The following HCN1 variants were observed in gnomAD, a reference collection of about 807,000 sequenced individuals.
The protein encoded by HCN1 is hyperpolarization activated cyclic nucleotide gated potassium channel 1.
Under a neutral mutation model 78.9 loss-of-function variants are expected in HCN1, and 13 were observed. The observed-to-expected ratio is 0.16, with a 90% CI of 0.11 to 0.26. The LOEUF is 0.26. HCN1 is among the 10% of genes least tolerant of loss of function. The probability of loss-of-function intolerance (pLI) is 1.00; values close to 1 mark genes in which losing one functional copy is unlikely to be tolerated. For missense variants in HCN1, 810 were observed against 1,154.3 expected, an observed-to-expected ratio of 0.70 and a Z score of 4.32; for synonymous variants, 552 against 455.5, an observed-to-expected ratio of 1.21 and a Z score of -2.70.
chr5:45,560,195 A>G (rs1743566265), intron 2 of HCN1, among the ~76,000 whole-genome samples: 1 of 152,272 alleles, frequency 6.6e-6, no homozygotes, highest in Admixed American at 6.6e-5. Flanking sequence ...GCTTTATTGC[A>G]GTGGTCTGGA....
chr5:45,587,715 A>G (rs1444797234), intron 2 of HCN1, among the ~76,000 whole-genome samples: 1 of 152,156 alleles, frequency 6.6e-6, no homozygotes, highest in African/African-American at 2.4e-5. Context: ...AGAAAGAAAT[A>G]TTAACACCAT....
intron 2 of HCN1, among the ~76,000 whole-genome samples, chr5:45,499,246 T>C (rs1382958784): frequency 6.6e-6 from 1 of 152,196 alleles, no homozygotes; most frequent in Non-Finnish European, 1.5e-5. Flanking sequence ...TCCATGCGCA[T>C]GCACGTAGGC....
intron 5 of HCN1, among the ~76,000 whole-genome samples, chr5:45,334,622 T>C (rs978742119): frequency 6.6e-6 from 1 of 152,000 alleles, no homozygotes; most frequent in African/African-American, 2.4e-5. Flanking sequence ...TTACTTTCCC[T>C]GTCAAGCCTG....
In HCN1 at chr5:45,682,290, C is replaced by CATATATATATATATAT. The variant is rs1340648040; in HGVS notation, c.425+13378_425+13379insATATATATATATATAT. Among the ~76,000 whole-genome samples the CATATATATATATATAT allele has an allele frequency of 7.6e-4, 40 of 52,762 alleles. 1 individual carries two copies. Among genetic ancestry groups the CATATATATATATATAT allele is most frequent in the African/African-American group, 2.2e-3 (33 of 15,284 alleles). The allele number at this position is 52,762 out of a possible 152,430, so 34.6% of individuals were successfully genotyped here. ...ATATATACATATATATATATATATA[C>CATATATATATATATAT]ACATATATATATCCCAATTTTAAAA... On this transcript the variant is annotated intron_variant, in intron 1 of 7. Transcript: ENST00000303230.
intron 3 of HCN1, among the ~76,000 whole-genome samples, chr5:45,429,143 C>CT (rs1300134918): frequency 1.3e-5 from 2 of 152,122 alleles, no homozygotes; most frequent in Non-Finnish European, 2.9e-5. Context: ...AATGTGCACT[C>CT]TGAGAATCAC....
chr5:45,307,130 AC>A (rs1745752610), intron 5 of HCN1, among the ~76,000 whole-genome samples: 2 of 152,262 alleles, frequency 1.3e-5, no homozygotes, highest in Admixed American at 1.3e-4. Flanking sequence ...AGCTGGAAAA[AC>A]TTGAGTAACA....
chr5:45,641,105 G>A (rs559697979), intron 2 of HCN1, among the ~76,000 whole-genome samples: 149 of 152,230 alleles, frequency 9.8e-4, no homozygotes, highest in South Asian at 1.7e-3. Context: ...CTAATACAGG[G>A]CAGGTTTGGG....
At chr5:45,419,505 G>T (rs1233913268) in intron 3 of HCN1, among the ~76,000 whole-genome samples, 1 of 152,152 alleles carries the variant, frequency 6.6e-6, no homozygotes, top group South Asian at 2.1e-4. Context: ...CAGTGTTTCT[G>T]TTACCTAAGA....
intron 2 of HCN1, among the ~76,000 whole-genome samples, chr5:45,532,387 T>G (rs1193112361): frequency 6.6e-6 from 1 of 152,208 alleles, no homozygotes; most frequent in Admixed American, 6.5e-5. Flanking sequence ...ATGTGGGCAT[T>G]TTTGTTAGTT....
intron 3 of HCN1, among the ~76,000 whole-genome samples, chr5:45,449,653 C>G (rs1164013711): frequency 2.6e-5 from 4 of 151,636 alleles, no homozygotes; most frequent in African/African-American, 9.7e-5. Flanking sequence ...TCCCAGCATG[C>G]TAGATTTCCA....
intron 2 of HCN1, among the ~76,000 whole-genome samples, chr5:45,599,905 TG>T (rs1418859702): frequency 2.0e-5 from 3 of 152,080 alleles, no homozygotes; most frequent in African/African-American, 7.2e-5. Context: ...GTTCTTAACA[TG>T]GAAGTTTCTT....
intron 2 of HCN1, among the ~76,000 whole-genome samples, chr5:45,569,377 T>G (rs1235610044): frequency 6.6e-6 from 1 of 152,158 alleles, no homozygotes; most frequent in African/African-American, 2.4e-5. Context: ...ATATTAAAGG[T>G]TTTACCCATG....
intron 4 of HCN1, among the ~76,000 whole-genome samples, chr5:45,356,383 T>G (rs1322188875): frequency 6.6e-6 from 1 of 151,852 alleles, no homozygotes; most frequent in Non-Finnish European, 1.5e-5. Context: ...TTATAAAAAT[T>G]TATAAAAGTA....
At chr5:45,334,270 G>A (rs980025336) in intron 5 of HCN1, among the ~76,000 whole-genome samples, 1 of 151,482 alleles carries the variant, frequency 6.6e-6, no homozygotes, top group African/African-American at 2.4e-5. Context: ...ACTAGATTTT[G>A]GAAATACAGG....
chr5:45,270,659 G>A (rs1020088985), intron 6 of HCN1, among the ~76,000 whole-genome samples: 6 of 152,218 alleles, frequency 3.9e-5, no homozygotes, highest in Non-Finnish European at 5.9e-5. Context: ...TCTGTAGAGG[G>A]ATGAGATAAA....
intron 2 of HCN1, among the ~76,000 whole-genome samples, chr5:45,617,068 A>C (rs1262892188): frequency 6.6e-6 from 1 of 152,050 alleles, no homozygotes; most frequent in Non-Finnish European, 1.5e-5. Flanking sequence ...CAAGCCCTAA[A>C]TCAAATTTTG....
chr5:45,267,562 G>A (rs1429648536), intron 6 of HCN1, among the ~76,000 whole-genome samples: 2 of 151,858 alleles, frequency 1.3e-5, no homozygotes, highest in Non-Finnish European at 2.9e-5. Flanking sequence ...GAGGTCAAGA[G>A]ATCGAGACCA....
chr5:45,308,869 G>T (rs1745791340), intron 5 of HCN1, among the ~76,000 whole-genome samples: 1 of 152,092 alleles, frequency 6.6e-6, no homozygotes, highest in Non-Finnish European at 1.5e-5. Flanking sequence ...GGTTCCATAT[G>T]AATTTTAAAA....
intron 3 of HCN1, among the ~76,000 whole-genome samples, chr5:45,406,646 A>G (rs1447137640): frequency 2.0e-5 from 3 of 152,206 alleles, no homozygotes; most frequent in African/African-American, 7.2e-5. Flanking sequence ...TGATAATTAT[A>G]CTTTTATATG....
Sources: allele counts gnomAD v4.1 joint callset (sites outside exome capture counted in the v4.1 genomes callset), GRCh38; gene constraint gnomAD v4.1.1; transcripts MANE v1.5; gene names NCBI Gene and HGNC (gene_info 2026-07-23, HGNC 2026-07-21).